The following PARD3B variants were observed in gnomAD, a reference collection of about 807,000 sequenced individuals.
PARD3B encodes par-3 family cell polarity regulator beta, also known as partitioning defective 3 homolog B.
In PARD3B, 103 loss-of-function variants were observed where a neutral mutation model predicts 130.2. The observed-to-expected ratio is 0.79, with a 90% CI of 0.67 to 0.93. PARD3B has a LOEUF of 0.93. Among genes scored for constraint, PARD3B ranks in the 40% least tolerant of loss-of-function variants. The pLI is 0.00. For missense variants in PARD3B, 1,609 were observed against 1,499.2 expected, an observed-to-expected ratio of 1.07 and a Z score of -1.21; for synonymous variants, 583 against 553.2, an observed-to-expected ratio of 1.05 and a Z score of -0.76.
intron 2 of PARD3B, among the ~76,000 whole-genome samples, chr2:204,699,668 A>G (rs1299501563): frequency 1.3e-5 from 2 of 152,140 alleles, no homozygotes; most frequent in Admixed American, 6.6e-5. Context: ...ACAAGCAACA[A>G]AGAATAATGT....
At chr2:205,438,592 C>G (rs915888367) in intron 19 of PARD3B, among the ~76,000 whole-genome samples, 3 of 152,196 alleles carry the variant, frequency 2.0e-5, no homozygotes, top group Non-Finnish European at 2.9e-5. Flanking sequence ...TGCACTGTCT[C>G]TGGAAAGATT....
At chr2:205,117,501 G>T (rs367649617) in intron 6 of PARD3B, among the ~76,000 whole-genome samples, 1 of 152,204 alleles carries the variant, frequency 6.6e-6, no homozygotes, top group Non-Finnish European at 1.5e-5. Context: ...GTTCAACTCC[G>T]TGGCCACTCC....
chr2:205,032,347 G>A (rs146064996), intron 3 of PARD3B, among the ~76,000 whole-genome samples: 201 of 152,176 alleles, frequency 1.3e-3, no homozygotes, highest in African/African-American at 4.5e-3. Context: ...GTTATCCAAC[G>A]TGAGGTCACA....
chr2:204,861,912 G>T (rs1199499836), intron 2 of PARD3B, among the ~76,000 whole-genome samples: 2 of 13,860 alleles, frequency 1.4e-4, no homozygotes, highest in Admixed American at 2.0e-3. Context: ...ACATTTAAAA[G>T]AAGACATTTC....
chr2:205,254,491 G>A (rs1437469673), intron 16 of PARD3B, among the ~76,000 whole-genome samples: 1 of 152,008 alleles, frequency 6.6e-6, no homozygotes, highest in Non-Finnish European at 1.5e-5. Context: ...ATTACTTCAT[G>A]TAAGATGAAG....
intron 20 of PARD3B, among the ~76,000 whole-genome samples, chr2:205,475,912 T>C (rs1210740056): frequency 6.6e-6 from 1 of 152,176 alleles, no homozygotes; most frequent in Non-Finnish European, 1.5e-5. Flanking sequence ...CCAGGATTCC[T>C]TTTGAAACTC....
intron 2 of PARD3B, among the ~76,000 whole-genome samples, chr2:204,722,248 C>T (rs2039030624): frequency 6.6e-6 from 1 of 152,114 alleles, no homozygotes; most frequent in South Asian, 2.1e-4. Context: ...TAGAAAATTA[C>T]CTCTTCTGCT....
chr2:204,806,599 A>C (rs1658877823), intron 2 of PARD3B, among the ~76,000 whole-genome samples: 1 of 152,150 alleles, frequency 6.6e-6, no homozygotes, highest in South Asian at 2.1e-4. Flanking sequence ...AGATTTATTG[A>C]GTAATACTTC....
chr2:205,034,113 C>G (rs1043163075), intron 3 of PARD3B, among the ~76,000 whole-genome samples: 5 of 152,032 alleles, frequency 3.3e-5, no homozygotes, highest in Non-Finnish European at 7.4e-5. Flanking sequence ...GACGAGATAC[C>G]CTTTTCATGA....
Position 204,664,141 on chromosome 2 carries a change from A to G in PARD3B, c.121-22040A>G, listed in dbSNP as rs780574548. ...ACCCCATGACTGTCTAATAGCTTAC[A>G]TATATGTTGGGTAGTAATGCCAGTG... On this transcript the variant is annotated intron_variant, in intron 1 of 22. Coordinates refer to ENST00000406610, the MANE Select transcript of PARD3B (RefSeq NM_001302769.2). This position sits in a 1 kb window ranked among gnomAD's most constrained non-coding sequence, Gnocchi z 5.2. Among the ~76,000 whole-genome samples the G allele has an allele frequency of 1.4e-4, 21 of 152,162 alleles. No individual in the cohort carries two copies. Among genetic ancestry groups the G allele is most frequent in the Admixed American group, 2.0e-4 (3 of 15,282 alleles).
intron 20 of PARD3B, among the ~76,000 whole-genome samples, chr2:205,452,936 G>A (rs1452357999): frequency 6.6e-6 from 1 of 152,170 alleles, no homozygotes; most frequent in Admixed American, 6.5e-5. Context: ...TATTAAAGCT[G>A]TCATTTAAGC....
intron 14 of PARD3B, among the ~76,000 whole-genome samples, chr2:205,191,683 C>T (rs1172165173): frequency 6.6e-6 from 1 of 152,214 alleles, no homozygotes; most frequent in African/African-American, 2.4e-5. Flanking sequence ...TCTATTCTCT[C>T]AACAACCTTG....
At chr2:205,488,019 T>TTGGG (rs1483321807) in intron 20 of PARD3B, among the ~76,000 whole-genome samples, 1 of 152,302 alleles carries the variant, frequency 6.6e-6, no homozygotes, top group Non-Finnish European at 1.5e-5. Context: ...GTTTTGTAGG[T>TTGGG]TTCCTCTATT....
intron 1 of PARD3B, among the ~76,000 whole-genome samples, chr2:204,641,854 C>G (rs749597794): frequency 7.2e-5 from 11 of 152,102 alleles, no homozygotes; most frequent in Non-Finnish European, 1.5e-4. Flanking sequence ...CAAAACAAAA[C>G]TGATGTCTAA....
chr2:204,816,794 T>A (rs368801872), intron 2 of PARD3B, among the ~76,000 whole-genome samples: 81 of 152,190 alleles, frequency 5.3e-4, no homozygotes, highest in East Asian at 1.5e-3. Flanking sequence ...TTTAATAAAA[T>A]TTAAAACATT....
rs545953039 is a variant in PARD3B, at chr2:205,525,388, G to GT, written c.3180+25364dup. ...CCAAAGAAATTCGGAGGATTAAGAG[G>GT]TTTTTTTGTTTTTGTTTTTACATTG... On this transcript the variant is annotated intron_variant, in intron 21 of 22. Coordinates refer to ENST00000406610, the MANE Select transcript of PARD3B (RefSeq NM_001302769.2). The surrounding 1 kb of genome is among the most constrained non-coding windows in gnomAD (Gnocchi z 4.2). 7.2e-5 allele frequency among the ~76,000 whole-genome samples: 11 copies of GT among 152,052 alleles called. No individual in the cohort carries two copies. In the East Asian group the frequency reaches 9.7e-4, roughly 13 times the overall value.
intron 1 of PARD3B, among the ~76,000 whole-genome samples, chr2:204,555,136 G>A (rs1180247045): frequency 1.3e-5 from 2 of 152,194 alleles, no homozygotes; most frequent in Non-Finnish European, 2.9e-5. Context: ...ACTCACTGCT[G>A]GGGGAATTAA....
rs766052629 is a variant in PARD3B at position 205,172,351 on chromosome 2, G to A, written c.1761G>A (p.Val587=). 15 of 1,613,976 alleles carry A rather than the reference G, an allele frequency of 9.3e-6. No homozygotes were observed. The highest frequency in any genetic ancestry group is 1.2e-5 in the Non-Finnish European group (14 of 1,179,996). ...EGNIRGMIQL[V]ILRRPERPME... ...ACATCCGAGGGATGATCCAGTTGGT[G>A]ATTCTGAGGAGGCCAGAGAGACCAA... Residue 587 remains valine (V), a synonymous_variant, in exon 12 of 23, where the codon GTG becomes GTA. Coordinates refer to ENST00000406610, the MANE Select transcript of PARD3B (RefSeq NM_001302769.2).
chr2:205,506,074 C>G (rs1262959114), intron 21 of PARD3B, among the ~76,000 whole-genome samples: 1 of 152,118 alleles, frequency 6.6e-6, no homozygotes, highest in African/African-American at 2.4e-5. Flanking sequence ...GTGGCTCACG[C>G]CTGTAACCCC....
Sources: gnomAD v4.1 joint callset for allele counts (sites outside exome capture counted in the v4.1 genomes callset) on GRCh38, gnomAD v4.1.1 for gene constraint, Gnocchi (gnomAD v3.1) non-coding constraint, MANE v1.5 for transcripts, NCBI Gene and HGNC (gene_info 2026-07-23, HGNC 2026-07-21) for gene names.